Variants in TENM3 observed in about 807,000 individuals in gnomAD.
The protein encoded by TENM3 is teneurin transmembrane protein 3, also known as teneurin-3.
Under a neutral mutation model 255.1 loss-of-function variants are expected in TENM3, and 63 were observed. The observed-to-expected ratio is 0.25, with a 90% CI of 0.20 to 0.30. The LOEUF (loss-of-function observed/expected upper bound fraction) is 0.30, where lower values mean the gene tolerates loss of function less well. Ranked by LOEUF, TENM3 falls within the 10% of genes least tolerant of loss-of-function variation. TENM3 has a pLI of 1.00. For missense variants in TENM3, 2,929 were observed against 3,461.1 expected, an observed-to-expected ratio of 0.85 and a Z score of 3.86; for synonymous variants, 1,306 against 1,322.3, an observed-to-expected ratio of 0.99 and a Z score of 0.27.
the TENM3 span, among the ~76,000 whole-genome samples, chr4:181,941,944 G>T: frequency 1.2e-4 from 19 of 152,148 alleles, 1 homozygote; most frequent in East Asian, 3.7e-3. Context: ...AAAATTTCTC[G>T]CAGGAGACGC....
intron 2 of TENM3, among the ~76,000 whole-genome samples, chr4:182,329,878 T>G (rs765770945): frequency 1.3e-5 from 2 of 152,106 alleles, no homozygotes; most frequent in Non-Finnish European, 2.9e-5. Context: ...GACAACACCA[T>G]GCACACACAC....
chr4:182,149,980 T>G (rs934799448), intron 1 of TENM3, among the ~76,000 whole-genome samples: 1 of 152,106 alleles, frequency 6.6e-6, no homozygotes, highest in Middle Eastern at 3.2e-3. Context: ...AATTGTATCA[T>G]TTATATAATT....
At chr4:181,561,959 G>A in the TENM3 span, among the ~76,000 whole-genome samples, 1 of 151,952 alleles carries the variant, frequency 6.6e-6, no homozygotes, top group African/African-American at 2.4e-5. Context: ...AATTGTGGGT[G>A]TTTTCTTTTC....
chr4:182,640,555 A>G (rs1752211403), intron 5 of TENM3, among the ~76,000 whole-genome samples: 1 of 152,214 alleles, frequency 6.6e-6, no homozygotes, highest in Non-Finnish European at 1.5e-5. Context: ...ATATTTTTAG[A>G]TGCCTTTTTT....
chr4:182,583,292 C>T (rs1335238204), intron 3 of TENM3, among the ~76,000 whole-genome samples: 1 of 150,594 alleles, frequency 6.6e-6, no homozygotes, highest in Non-Finnish European at 1.5e-5. Flanking sequence ...TAAAGCATGA[C>T]AGCATTCAAG....
At chr4:181,991,081 A>G in the TENM3 span, among the ~76,000 whole-genome samples, 1 of 152,182 alleles carries the variant, frequency 6.6e-6, no homozygotes, top group South Asian at 2.1e-4. Context: ...ATCTTCTGAA[A>G]TGCTACATTA....
chr4:181,618,232 T>A, the TENM3 span, among the ~76,000 whole-genome samples: 1 of 152,160 alleles, frequency 6.6e-6, no homozygotes, highest in East Asian at 1.9e-4. Flanking sequence ...TTTATCAACA[T>A]CGATGACTTA....
At chr4:182,165,788 G>GT (rs1315970629) in intron 1 of TENM3, among the ~76,000 whole-genome samples, 1 of 151,964 alleles carries the variant, frequency 6.6e-6, no homozygotes, top group East Asian at 1.9e-4. Context: ...GCAGTTTTTT[G>GT]TTTTTTTGAG....
the TENM3 span, among the ~76,000 whole-genome samples, chr4:181,540,938 A>G: frequency 7.2e-5 from 11 of 152,142 alleles, no homozygotes. Context: ...TTACTATACT[A>G]ACGAGGGGAA....
At chr4:182,770,087 C>G (rs1764064750) in intron 22 of TENM3, among the ~76,000 whole-genome samples, 1 of 137,814 alleles carries the variant, frequency 7.3e-6, no homozygotes, top group African/African-American at 2.7e-5. Flanking sequence ...GTCTGGGCGA[C>G]AGAGTGAGAC....
the TENM3 span, among the ~76,000 whole-genome samples, chr4:181,679,004 G>A: frequency 1.3e-5 from 2 of 151,972 alleles, no homozygotes; most frequent in African/African-American, 4.8e-5. Context: ...ATGGCCCAGG[G>A]ACTCCATATT....
Position 182,774,922 on chromosome 4 carries a change from G to A in TENM3, c.5073G>A (p.Gln1691=), listed in dbSNP as rs1482640887. The stretch of plus-strand genomic sequence containing the variant: ...TTTGTGCTTCTTGTTCTTTAGATCA[G>A]TTAAGAAACAGCTACCAGATTGGTT... ...IDSFYTMVQD[Q]LRNSYQIGYD... The change falls in exon 24 of 28, where the codon CAG becomes CAA. Residue 1691 remains glutamine, a synonymous_variant. Transcript: ENST00000511685. The A allele has an allele frequency of 6.2e-7, 1 of 1,609,370 alleles. No homozygotes were observed. The highest frequency in any genetic ancestry group is 8.5e-7 in the Non-Finnish European group (1 of 1,176,534).
intron 1 of TENM3, among the ~76,000 whole-genome samples, chr4:182,176,385 C>T (rs1241754611): frequency 1.3e-5 from 2 of 152,124 alleles, no homozygotes; most frequent in Non-Finnish European, 2.9e-5. Context: ...GATAATGTTG[C>T]TTACCTCATA....
intron 1 of TENM3, among the ~76,000 whole-genome samples, chr4:182,287,610 T>C (rs1760817406): frequency 7.1e-6 from 1 of 141,202 alleles, no homozygotes; most frequent in East Asian, 1.9e-4. Flanking sequence ...TTTCATTTAT[T>C]GTTTATTTAT....
the TENM3 span, among the ~76,000 whole-genome samples, chr4:181,627,206 G>T: frequency 6.6e-6 from 1 of 152,110 alleles, no homozygotes; most frequent in African/African-American, 2.4e-5. Context: ...GGTGCAGAAA[G>T]AAAATATTAG....
At position 182,775,229 on chromosome 4, in the gene TENM3, C is replaced by A. The variant is rs149695801; in HGVS notation, c.5304+76C>A. 1.1e-4 allele frequency: 140 copies of A among 1,276,936 alleles called. 2 individuals are homozygous for A. In the East Asian group the frequency reaches 2.9e-3, roughly 27 times the overall value. 79.1% of individuals were successfully genotyped at this position (1,276,936 alleles called of 1,614,324 possible). A position where few individuals can be genotyped will look rare whatever the true frequency, so the allele number is the denominator to read the frequency against. ...AGATCATCCTGAGGGCAGGTTGCGT[C>A]TCCTGCTCACCCCCCTATGTCTACA... On this transcript the variant is annotated intron_variant, in intron 24 of 27. Coordinates refer to ENST00000511685, the MANE Select transcript of TENM3 (RefSeq NM_001080477.4).
chr4:181,618,594 T>A, the TENM3 span, among the ~76,000 whole-genome samples: 5 of 152,246 alleles, frequency 3.3e-5, no homozygotes, highest in Admixed American at 2.0e-4. Context: ...GAAGTCTGAA[T>A]GCAATAAAGT....
intron 6 of TENM3, among the ~76,000 whole-genome samples, chr4:182,663,607 A>C (rs1291087654): frequency 6.6e-6 from 1 of 152,194 alleles, no homozygotes; most frequent in East Asian, 1.9e-4. Flanking sequence ...ATAAAACAAA[A>C]TTCAGTTTCA....
In TENM3 at chr4:182,183,470, G is replaced by A. The variant is rs753215030; in HGVS notation, c.-76+38716G>A. Among the ~76,000 whole-genome samples, 8 of 152,172 alleles carry A rather than the reference G, an allele frequency of 5.3e-5. No homozygotes were observed. The East Asian group carries it at 1.2e-3, about 22-fold the overall frequency. On this transcript the variant is annotated intron_variant, in intron 1 of 2. Transcript: ENST00000512480. ...TTATGATTCATTCGTATGCAGTTGC[G>A]GAACCAAGGACTACTTTGGGAGAAA...
Sources: allele counts gnomAD v4.1 joint callset (sites outside exome capture counted in the v4.1 genomes callset), GRCh38; gene constraint gnomAD v4.1.1; transcripts MANE v1.5; gene names NCBI Gene and HGNC (gene_info 2026-07-23, HGNC 2026-07-21).